The following NLRC5 variants were observed in gnomAD, a reference collection of about 807,000 sequenced individuals.
NLRC5 encodes protein NLRC5.
In NLRC5, 114 loss-of-function variants were observed where a neutral mutation model predicts 206.9. That is an observed-to-expected ratio of 0.55 (90% CI 0.47 to 0.64). NLRC5 has a LOEUF of 0.64. Ranked by LOEUF, NLRC5 falls within the 30% of genes least tolerant of loss-of-function variation. The pLI, the probability that NLRC5 is intolerant of heterozygous loss-of-function variation, is 0.00. For missense variants in NLRC5, 2,008 were observed against 2,305.5 expected (o/e 0.87, Z 2.64); for synonymous variants, 952 against 962.8 (o/e 0.99, Z 0.21).
intron 10 of NLRC5, among the ~76,000 whole-genome samples, chr16:57,030,462 GGATGAAAAGATGGATGGGTGGATGAAAA>G (rs1294651523): frequency 1.7e-4 from 20 of 117,274 alleles, no homozygotes; most frequent in Non-Finnish European, 2.6e-4. Flanking sequence ...ATGGATGGAT[GGATGAAAAGATGGATGGGTGGATGAAAA>G]GATGGATGGA....
chr16:57,032,834 A>G (rs2062036680), intron 11 of NLRC5, among the ~76,000 whole-genome samples: 1 of 29,262 alleles, frequency 3.4e-5, no homozygotes, highest in South Asian at 1.5e-3. Flanking sequence ...CCATCTCTAC[A>G]AAAAAAAAAA....
rs1413513374 is a variant in NLRC5 at position 57,059,005 on chromosome 16, C to T, written c.3864C>T (p.Ala1288=). 6 of 1,614,042 alleles carry T rather than the reference C, an allele frequency of 3.7e-6. No individual in the cohort carries two copies. The Admixed American group carries it at 8.3e-5, about 22-fold the overall frequency. Reference sequence around the variant, plus strand: ...ACAACAGCATTTCTCAGGAAAGTGCCCTGTACCTGCTGGAGACACTGCCCT... The same window carrying T: ...ACAACAGCATTTCTCAGGAAAGTGCTCTGTACCTGCTGGAGACACTGCCCT... ...LSHNSISQES[A]LYLLETLPSC... is the part of the protein sequence containing the mutation. The change falls in exon 29 of 49, where the codon GCC becomes GCT. Residue 1288 remains alanine (A), a synonymous_variant. Coordinates refer to ENST00000688547, the MANE Select transcript of NLRC5 (RefSeq NM_001384950.1).
chr16:57,026,529 G>A lies in NLRC5; in HGVS notation c.1586G>A (p.Ser529Asn). 1.2e-6 allele frequency: 2 copies of A among 1,614,122 alleles called. No individual in the cohort carries two copies. Among genetic ancestry groups the A allele is most frequent in the South Asian group, 2.2e-5 (2 of 91,080 alleles). Residue 529 changes from serine (S) to asparagine (N), a missense_variant, in exon 6 of 49, where the codon AGC (serine) becomes AAC (asparagine). By Grantham distance (46) the Ser-to-Asn change is conservative. Transcript: ENST00000688547. Reference protein sequence around the residue: ...EFLAALHLMASPKVNKDTLTQ... With the variant: ...EFLAALHLMANPKVNKDTLTQ... ...CTTGCTGCCCTGCACCTGATGGCCAGCCCCAAGGTGAACAAAGACACACTT... is the reference window on the plus strand; with the variant it reads ...CTTGCTGCCCTGCACCTGATGGCCAACCCCAAGGTGAACAAAGACACACTT...
intron 2 of NLRC5, among the ~76,000 whole-genome samples, chr16:57,019,552 A>G (rs552164235): frequency 6.6e-6 from 1 of 152,334 alleles, no homozygotes; most frequent in African/African-American, 2.4e-5. Context: ...GCCATGTAAC[A>G]GAAGTCCAAA....
Position 57,081,154 on chromosome 16 carries a change from C to A in NLRC5, c.5378C>A (p.Pro1793Gln). Residue 1793 changes from proline to glutamine, a missense_variant, in exon 47 of 49, where the codon CCG (proline) becomes CAG (glutamine). Coordinates refer to ENST00000688547, the MANE Select transcript of NLRC5 (RefSeq NM_001384950.1). ...GCTGCCGAGCTGGCCCAGGTGCTGC[C>A]GCAGATGGGCCGGCTGAAGAGAGTG... ...EAAAELAQVL[P>Q]QMGRLKRVDL... The A allele has an allele frequency of 6.5e-7, 1 of 1,544,270 alleles. No individual in the cohort carries two copies.
intron 28 of NLRC5, chr16:57,058,462 G>A (rs1178442120): frequency 4.4e-5 from 18 of 408,922 alleles, no homozygotes; most frequent in East Asian, 9.9e-5. Flanking sequence ...CAGCTGATGC[G>A]GGATTGCAGC....
At chr16:57,037,313 A>G (rs1365727367) in intron 15 of NLRC5, 29 bp downstream of exon 15, 5 of 1,562,996 alleles carry the variant, frequency 3.2e-6, no homozygotes, top group Non-Finnish European at 8.7e-7. Flanking sequence ...CACGGTACCC[A>G]TCCCCCCCCC....
chr16:57,064,639 A>C (rs2066894863), intron 32 of NLRC5, among the ~76,000 whole-genome samples: 1 of 152,136 alleles, frequency 6.6e-6, no homozygotes, highest in Admixed American at 6.6e-5. Flanking sequence ...TAAAAATATC[A>C]GTGGCCCAGT....
At chr16:56,995,224 G>C (rs546670987) in intron 1 of NLRC5, among the ~76,000 whole-genome samples, 4 of 152,154 alleles carry the variant, frequency 2.6e-5, no homozygotes, top group African/African-American at 9.7e-5. Flanking sequence ...AGCTAGAGGA[G>C]TGCCCACCCA....
intron 23 of NLRC5, among the ~76,000 whole-genome samples, chr16:57,050,571 C>T (rs2064752928): frequency 6.6e-6 from 1 of 152,192 alleles, no homozygotes; most frequent in African/African-American, 2.4e-5. Context: ...TGGGAAGTGG[C>T]TCCAGGCCCC....
chr16:57,069,557 C>G lies in NLRC5; in HGVS notation c.4500-279C>G, dbSNP rs537809129. Among the ~76,000 whole-genome samples, 10 of 152,366 alleles carry G rather than the reference C, an allele frequency of 6.6e-5. 1 individual carries two copies. The South Asian group carries it at 2.1e-3, about 32-fold the overall frequency. ...CAGAGTTTGTAATAAACAACAGTAA[C>G]TAGCTAAACTACAGTGATACCTAAT... On this transcript the variant is annotated intron_variant, in intron 36 of 48. Coordinates refer to ENST00000688547, the MANE Select transcript of NLRC5 (RefSeq NM_001384950.1).
chr16:57,011,367 C>T (rs921422079), intron 1 of NLRC5, among the ~76,000 whole-genome samples: 7 of 148,124 alleles, frequency 4.7e-5, no homozygotes, highest in East Asian at 2.0e-4. Context: ...GAGCTGAGAT[C>T]GTGCCACTAC....
intron 1 of NLRC5, among the ~76,000 whole-genome samples, chr16:57,001,586 A>G (rs536852742): frequency 6.6e-6 from 1 of 152,130 alleles, no homozygotes; most frequent in African/African-American, 2.4e-5. Context: ...GCTTGTGTGG[A>G]TTGAACCTTT....
In NLRC5 at chr16:57,079,676, G is replaced by A. The variant is rs187980824; in HGVS notation, c.5321+47G>A. ...GAGCTGGCTGGGAAAAGGAAAAGTC[G>A]GGAGGGGTCGGGGGAGTTGGCTCCA... On this transcript the variant is annotated intron_variant, in intron 46 of 48. Transcript: ENST00000688547. The A allele has an allele frequency of 9.6e-5, 148 of 1,549,020 alleles. No individual in the cohort carries two copies. In the East Asian group the frequency reaches 2.6e-3, roughly 27 times the overall value.
intron 39 of NLRC5, among the ~76,000 whole-genome samples, chr16:57,076,472 AGCCCGGAGATCC>A (rs2068415554): frequency 6.6e-6 from 1 of 152,282 alleles, no homozygotes; most frequent in Non-Finnish European, 1.5e-5. Context: ...CAGCCGGGCC[AGCCCGGAGATCC>A]CTGACACAGA....
chr16:57,074,707 G>A, intron 39 of NLRC5, 24 bp downstream of exon 39: 1 of 1,605,928 alleles, frequency 6.2e-7, no homozygotes, highest in Non-Finnish European at 8.5e-7. Context: ...CGGCCCCATG[G>A]GAATGAGTGG....
intron 38 of NLRC5, among the ~76,000 whole-genome samples, chr16:57,071,423 T>G (rs2144927403): frequency 1.8e-5 from 2 of 112,106 alleles, no homozygotes; most frequent in East Asian, 2.9e-4. Flanking sequence ...TGAGTGGTGA[T>G]GGTGGTTAAT....
intron 32 of NLRC5, among the ~76,000 whole-genome samples, chr16:57,063,359 G>T (rs2066750892): frequency 6.6e-6 from 1 of 151,540 alleles, no homozygotes; most frequent in Non-Finnish European, 1.5e-5. Context: ...CAGATGATCT[G>T]CCCGTTTCGG....
In NLRC5 at chr16:57,042,054, G is replaced by T. The variant is rs1238633599; in HGVS notation, c.3102G>T (p.Leu1034=). Residue 1034 remains leucine, a synonymous_variant, in exon 19 of 49, where the codon CTG becomes CTT. Coordinates refer to ENST00000688547, the MANE Select transcript of NLRC5 (RefSeq NM_001384950.1). ...AGCTGCTCCCAGGGCTGGGAGCTCT[G>T]CAGTCCTTGAAGTGAGTAGCCCGCT... ...LAQLLPGLGA[L]QSLNLSENGL... is the part of the protein sequence containing the mutation. 2 of 1,560,338 alleles carry T rather than the reference G, an allele frequency of 1.3e-6. No homozygotes were observed. Among genetic ancestry groups the T allele is most frequent in the East Asian group, 4.8e-5 (2 of 42,038 alleles).
Sources: allele counts gnomAD v4.1 joint callset (sites outside exome capture counted in the v4.1 genomes callset), GRCh38; gene constraint gnomAD v4.1.1; transcripts MANE v1.5; gene names NCBI Gene and HGNC (gene_info 2026-07-23, HGNC 2026-07-21).